Variants in CSMD2 observed in about 807,000 individuals in gnomAD.
The protein encoded by CSMD2 is CUB and sushi domain-containing protein 2.
CSMD2 carries 130 observed loss-of-function variants against 398.5 expected under a neutral mutation model. The ratio of observed to expected loss-of-function variants is 0.33; its 90% CI spans 0.28 to 0.38. The LOEUF (loss-of-function observed/expected upper bound fraction) is 0.38, where lower values mean the gene tolerates loss of function less well. CSMD2 is among the 10% of genes least tolerant of loss of function. The pLI is 1.00. For synonymous variants in CSMD2, 1,828 were observed against 1,908.5 expected (o/e 0.96, Z 1.10); for missense variants, 3,829 against 4,764.9 (o/e 0.80, Z 5.78).
At chr1:33,603,220 A>G (rs183643715) in intron 42 of CSMD2, among the ~76,000 whole-genome samples, 8 of 152,274 alleles carry the variant, frequency 5.3e-5, no homozygotes, top group Admixed American at 5.2e-4. Context: ...CGCATTTGCT[A>G]TGTAGATAAG....
At chr1:33,724,966 A>G (rs1043569968) in intron 17 of CSMD2, among the ~76,000 whole-genome samples, 1 of 152,210 alleles carries the variant, frequency 6.6e-6, no homozygotes, top group African/African-American at 2.4e-5. Flanking sequence ...TGAAGTGACA[A>G]TGATCCTTTA....
chr1:33,908,085 C>CAAAAAAA (rs35932181), intron 5 of CSMD2, among the ~76,000 whole-genome samples: 55 of 77,002 alleles, frequency 7.1e-4, no homozygotes, highest in African/African-American at 2.6e-3. Context: ...GACTCCATCT[C>CAAAAAAA]AAAAAAAAAA....
intron 3 of CSMD2, among the ~76,000 whole-genome samples, chr1:34,027,409 G>A (rs1229196877): frequency 6.6e-6 from 1 of 152,206 alleles, no homozygotes; most frequent in Non-Finnish European, 1.5e-5. Flanking sequence ...GCCTGCTTGT[G>A]TACTGTTGGT....
At chr1:33,735,210 GC>G (rs1166210192) in intron 15 of CSMD2, among the ~76,000 whole-genome samples, 1 of 152,110 alleles carries the variant, frequency 6.6e-6, no homozygotes, top group Non-Finnish European at 1.5e-5. Flanking sequence ...TTGAATTCTG[GC>G]TCCATCATTT....
In CSMD2 at chr1:33,537,604, A is replaced by G. The variant is rs1435293369; in HGVS notation, c.9637T>C (p.Phe3213Leu). The change falls in exon 61 of 71, where the codon TTC becomes CTC. Residue 3213 changes from phenylalanine (F) to leucine (L), a missense_variant. Physicochemically the swap from Phe to Leu is conservative, Grantham distance 22 (BLOSUM62 0). Around this residue, in one of 5 missense-constraint regions of CSMD2, gnomAD observed 917 missense variants for 1,199.5 expected, o/e 0.76. Transcript: ENST00000373381. This position sits in a 1 kb window ranked among gnomAD's most constrained non-coding sequence, Gnocchi z 4.6. ...GACGGGACACCAGGATCCCCGCAGA[A>G]CACAGCTGGGAAGACGAAGGGAGAA... is the stretch of plus-strand genomic sequence containing the variant. ...TGELPQCFPV[F>L]CGDPGVPSRG... 4 of 1,612,602 alleles carry G rather than the reference A, an allele frequency of 2.5e-6. No homozygotes were observed. The highest frequency in any genetic ancestry group is 3.4e-6 in the Non-Finnish European group (4 of 1,179,234).
intron 3 of CSMD2, among the ~76,000 whole-genome samples, chr1:34,024,221 A>T (rs1258775279): frequency 6.6e-6 from 1 of 152,198 alleles, no homozygotes; most frequent in Non-Finnish European, 1.5e-5. Context: ...TTTGGGACTG[A>T]TATATAGCAG....
intron 1 of CSMD2, among the ~76,000 whole-genome samples, chr1:34,114,223 G>T (rs887505889): frequency 6.6e-6 from 1 of 152,112 alleles, no homozygotes; most frequent in Non-Finnish European, 1.5e-5. Context: ...CCCAAGGAAA[G>T]CCCCCAGAAC....
At chr1:33,954,803 G>A (rs894914846) in intron 3 of CSMD2, among the ~76,000 whole-genome samples, 13 of 152,152 alleles carry the variant, frequency 8.5e-5, no homozygotes, top group Non-Finnish European at 1.9e-4. Context: ...ACCAGGGGCT[G>A]GGGGAGAGGG....
intron 3 of CSMD2, among the ~76,000 whole-genome samples, chr1:33,969,577 G>A (rs1386098153): frequency 6.6e-6 from 1 of 152,184 alleles, no homozygotes; most frequent in South Asian, 2.1e-4. Flanking sequence ...TGTGAATTAG[G>A]TATTATTATT....
rs573006153 is a variant in CSMD2, at chr1:34,004,913, C to T, written c.517+27681G>A. On this transcript the variant is annotated intron_variant, in intron 3 of 70. Coordinates refer to ENST00000373381, the MANE Select transcript of CSMD2 (RefSeq NM_001281956.2). ...CAATCCTCACTCGCTCTCCTTCTTCCTCAGCAATTACCTCTTCTCAATCCT... is the reference window on the plus strand; with the variant it reads ...CAATCCTCACTCGCTCTCCTTCTTCTTCAGCAATTACCTCTTCTCAATCCT... Among the ~76,000 whole-genome samples the T allele has an allele frequency of 1.1e-4, 16 of 152,288 alleles. No homozygotes were observed. In the South Asian group the frequency reaches 1.7e-3, roughly 16 times the overall value.
At chr1:33,653,770 A>G (rs1325187736) in intron 27 of CSMD2, among the ~76,000 whole-genome samples, 1 of 152,134 alleles carries the variant, frequency 6.6e-6, no homozygotes, top group Non-Finnish European at 1.5e-5. Flanking sequence ...GGCCAAGACT[A>G]TAGGTATGGT....
chr1:33,777,810 G>A lies in CSMD2; in HGVS notation c.1664-5059C>T, dbSNP rs1376032263. Reference sequence around the variant, plus strand: ...CTCAGCTGTTTTATCCCCATCATCTGTGATCAATCTCACTCTTCTCCCCAG... The same window carrying A: ...CTCAGCTGTTTTATCCCCATCATCTATGATCAATCTCACTCTTCTCCCCAG... On this transcript the variant is annotated intron_variant, in intron 12 of 70. Coordinates refer to ENST00000373381, the MANE Select transcript of CSMD2 (RefSeq NM_001281956.2). Among the ~76,000 whole-genome samples, 5 of 152,248 alleles carry A rather than the reference G, an allele frequency of 3.3e-5. No individual in the cohort carries two copies. The South Asian group carries it at 1.0e-3, about 32-fold the overall frequency.
At chr1:33,833,314 A>G (rs78869863) in intron 6 of CSMD2, among the ~76,000 whole-genome samples, 70,366 of 96,960 alleles carry the variant, frequency 0.73, 26,938 homozygotes, top group East Asian at 0.92. Context: ...TGATCAAATG[A>G]GCTTCATCCC....
At chr1:33,813,072 C>T (rs1009671857) in intron 9 of CSMD2, 2 of 152,246 alleles carry the variant, frequency 1.3e-5, no homozygotes, top group African/African-American at 4.8e-5. Flanking sequence ...CACCATCTTA[C>T]ACCTCTTCCG....
intron 3 of CSMD2, among the ~76,000 whole-genome samples, chr1:33,962,288 CG>C (rs775620314): frequency 2.6e-5 from 4 of 151,878 alleles, no homozygotes; most frequent in Non-Finnish European, 5.9e-5. Context: ...GGAGGGGGAG[CG>C]AGTTCTATAT....
chr1:33,531,307 C>T (rs1570634341), intron 64 of CSMD2, among the ~76,000 whole-genome samples: 1 of 151,938 alleles, frequency 6.6e-6, no homozygotes, highest in South Asian at 2.1e-4. Flanking sequence ...CACTTTATAC[C>T]CACTGATCAT....
chr1:33,813,415 T>G (rs75212898), intron 9 of CSMD2, among the ~76,000 whole-genome samples: 1 of 152,162 alleles, frequency 6.6e-6, no homozygotes, highest in Non-Finnish European at 1.5e-5. Context: ...CATCAACAGA[T>G]AGAAAGTTCA....
At chr1:33,941,286 A>C (rs1414911079) in intron 3 of CSMD2, among the ~76,000 whole-genome samples, 1 of 152,264 alleles carries the variant, frequency 6.6e-6, no homozygotes, top group Non-Finnish European at 1.5e-5. Context: ...CAAAAGCTAC[A>C]TCATGCCTTC....
chr1:33,753,271 G>A (rs1363591976), intron 13 of CSMD2, among the ~76,000 whole-genome samples: 1 of 152,148 alleles, frequency 6.6e-6, no homozygotes, highest in Non-Finnish European at 1.5e-5. Context: ...AGGCCCAGGA[G>A]GAAAGAATGA....
Sources: allele counts gnomAD v4.1 joint callset (sites outside exome capture counted in the v4.1 genomes callset), GRCh38; gene constraint gnomAD v4.1.1; regional missense constraint gnomAD v4.1.1; non-coding constraint Gnocchi (gnomAD v3.1); transcripts MANE v1.5; gene names NCBI Gene and HGNC (gene_info 2026-07-23, HGNC 2026-07-21).